PHC2: variants seen among roughly 807,000 people sequenced by gnomAD.
The protein encoded by PHC2 is polyhomeotic homolog 2, also known as polyhomeotic-like protein 2.
PHC2 carries 29 observed loss-of-function variants against 87.4 expected under a neutral mutation model. That is an observed-to-expected ratio of 0.33 (90% CI 0.25 to 0.45). The LOEUF is 0.45. Among genes scored for constraint, PHC2 ranks in the 20% least tolerant of loss-of-function variants. The pLI is 1.00. For synonymous variants in PHC2, 438 were observed against 461.7 expected (o/e 0.95, Z 0.66); for missense variants, 857 against 1,136.7 (o/e 0.75, Z 3.54).
At position 33,415,237 on chromosome 1, in the gene PHC2, C is replaced by G. The variant is rs146039938; in HGVS notation, c.-55+15739G>C. Among the ~76,000 whole-genome samples the G allele has an allele frequency of 9.9e-3, 1,512 of 152,272 alleles. 61 individuals are homozygous for G. The highest frequency in any genetic ancestry group is 0.065 in the Admixed American group (993 of 15,298). On this transcript the variant is annotated intron_variant, in intron 1 of 14. Transcript: ENST00000683057. ...CGACAGGCCTCCCTAGAGTCTTTGA[C>G]TAAGCACTGGTCTGCACATGCATGA...
intron 1 of PHC2, among the ~76,000 whole-genome samples, chr1:33,383,264 C>T (rs1280839978): frequency 6.6e-6 from 1 of 152,188 alleles, no homozygotes; most frequent in African/African-American, 2.4e-5. Flanking sequence ...CAAATGGATG[C>T]AGCTCAAACC....
Position 33,387,812 on chromosome 1 carries a change from C to T in PHC2, c.-54-12219G>A, listed in dbSNP as rs114747756. 4.9e-3 allele frequency among the ~76,000 whole-genome samples: 745 copies of T among 152,336 alleles called. 9 individuals carry two copies. The highest frequency in any genetic ancestry group is 0.017 in the African/African-American group (700 of 41,582). ...AGTTCTTATGAAGTTCACTTGGCTCCCATAGCCTTCTGTTTACTAGCCTAT... is the reference window on the plus strand; with the variant it reads ...AGTTCTTATGAAGTTCACTTGGCTCTCATAGCCTTCTGTTTACTAGCCTAT... On this transcript the variant is annotated intron_variant, in intron 1 of 14. Transcript: ENST00000683057.
At chr1:33,396,144 T>G (rs953706668) in intron 1 of PHC2, among the ~76,000 whole-genome samples, 2 of 152,224 alleles carry the variant, frequency 1.3e-5, no homozygotes, top group Admixed American at 6.5e-5. Context: ...ACTCAGTCTA[T>G]GGCTTAAGAG....
At chr1:33,387,143 G>A (rs1648805108) in intron 1 of PHC2, among the ~76,000 whole-genome samples, 1 of 152,054 alleles carries the variant, frequency 6.6e-6, no homozygotes, top group African/African-American at 2.4e-5. Context: ...CCCTGAAATC[G>A]GGCTGTATCT....
chr1:33,411,458 TG>T (rs1467450507), intron 1 of PHC2, among the ~76,000 whole-genome samples: 5 of 152,098 alleles, frequency 3.3e-5, no homozygotes, highest in South Asian at 2.1e-4. Context: ...TTTTTGTTGT[TG>T]TTGTTGTTGT....
chr1:33,425,991 C>T (rs1421353486), intron 1 of PHC2, among the ~76,000 whole-genome samples: 4 of 152,084 alleles, frequency 2.6e-5, no homozygotes, highest in Non-Finnish European at 5.9e-5. Context: ...GGTTGGTTGG[C>T]GTAGGACTTG....
intron 7 of PHC2, among the ~76,000 whole-genome samples, chr1:33,356,906 G>A (rs1034971102): frequency 1.7e-4 from 26 of 152,064 alleles, no homozygotes; most frequent in African/African-American, 4.8e-4. Flanking sequence ...ACGGGGCGGC[G>A]GCCGGGCGGG....
intron 9 of PHC2, among the ~76,000 whole-genome samples, chr1:33,351,000 T>A (rs1169294118): frequency 6.6e-6 from 1 of 152,236 alleles, no homozygotes; most frequent in East Asian, 1.9e-4. Context: ...CCTGGAATGC[T>A]CTTTCCTCAA....
rs1306332441 is a variant in PHC2, at chr1:33,349,785, G to A, written c.1558+4616C>T. ...GGCCGGCGTCAACAAAGGGCGGCCGGGGCGCGAGGCCGGGACGGGGGCGCG... is the reference window on the plus strand; with the variant it reads ...GGCCGGCGTCAACAAAGGGCGGCCGAGGCGCGAGGCCGGGACGGGGGCGCG... On this transcript the variant is annotated intron_variant, in intron 9 of 14. Coordinates refer to ENST00000683057, the MANE Select transcript of PHC2 (RefSeq NM_001385109.1). This position sits in a 1 kb window ranked among gnomAD's most constrained non-coding sequence, Gnocchi z 4.2. The A allele has an allele frequency of 4.1e-6, 4 of 978,302 alleles. No homozygotes were observed. The African/African-American group carries it at 5.3e-5, about 13-fold the overall frequency. 60.6% of individuals were successfully genotyped at this position (978,302 alleles called of 1,614,324 possible).
At position 33,334,019 on chromosome 1, in the gene PHC2, A is replaced by C; in HGVS notation, c.1761+71T>G. 7.5e-7 allele frequency: 1 copy of C among 1,332,210 alleles called. No individual in the cohort carries two copies. Among genetic ancestry groups the C allele is most frequent in the Non-Finnish European group, 1.0e-6 (1 of 952,408 alleles). The allele number at this position is 1,332,210 out of a possible 1,614,324, so 82.5% of individuals were successfully genotyped here. On this transcript the variant is annotated intron_variant, in intron 10 of 14. Coordinates refer to ENST00000683057, the MANE Select transcript of PHC2 (RefSeq NM_001385109.1). This position sits in a 1 kb window ranked among gnomAD's most constrained non-coding sequence, Gnocchi z 5.5. ...TCACATTTTCAGAAATTTTACATGG[A>C]AATGTAAAAATATTCTAAGACACAT...
intron 12 of PHC2, 60 bp from the exon 13 acceptor site, chr1:33,330,272 A>C (rs1000293869): frequency 3.8e-6 from 6 of 1,581,482 alleles, no homozygotes; most frequent in South Asian, 1.1e-5. Context: ...GGCCGTAGGC[A>C]GAATGAGCAC....
At chr1:33,388,386 C>T (rs1049439259) in intron 1 of PHC2, among the ~76,000 whole-genome samples, 8 of 149,640 alleles carry the variant, frequency 5.3e-5, no homozygotes, top group Admixed American at 1.3e-4. Flanking sequence ...TGCAATGGCG[C>T]GATCCTGGCT....
At chr1:33,355,666 C>G (rs1647057723) in intron 7 of PHC2, among the ~76,000 whole-genome samples, 1 of 152,246 alleles carries the variant, frequency 6.6e-6, no homozygotes, top group South Asian at 2.1e-4. Context: ...TTCCACCACC[C>G]AACCCAGCTC....
chr1:33,362,664 C>A (rs917680929), intron 7 of PHC2, among the ~76,000 whole-genome samples: 2 of 152,234 alleles, frequency 1.3e-5, no homozygotes, highest in Admixed American at 6.5e-5. Context: ...GTCCCGCTTA[C>A]ACACACAGAT....
At position 33,371,023 on chromosome 1, in the gene PHC2, T is replaced by C. The variant is rs776964127; in HGVS notation, c.405A>G (p.Ser135=). The part of the protein sequence containing the change: ...SNVSAQAPAQ[S]SSINLAASPA... Reference sequence around the variant, plus strand: ...GCTCCCCCATTCTACTCACCGAAGATGACTGGGCCGGGGCCTGCGCAGACA... The same window carrying C: ...GCTCCCCCATTCTACTCACCGAAGACGACTGGGCCGGGGCCTGCGCAGACA... The change falls in exon 4 of 15, where the codon TCA becomes TCG. Residue 135 remains serine, a synonymous_variant. Transcript: ENST00000683057. 146 of 1,613,750 alleles carry C rather than the reference T, an allele frequency of 9.0e-5. No individual in the cohort carries two copies. Among genetic ancestry groups the C allele is most frequent in the Non-Finnish European group, 1.2e-4 (136 of 1,179,754 alleles).
rs561376322 is a variant in PHC2 at position 33,371,676 on chromosome 1, A to G, written c.334-582T>C. 1.2e-3 allele frequency among the ~76,000 whole-genome samples: 181 copies of G among 152,326 alleles called. 1 individual carries two copies. The highest frequency in any genetic ancestry group is 6.8e-3 in the Middle Eastern group (2 of 294). On this transcript the variant is annotated intron_variant, in intron 3 of 14. Coordinates refer to ENST00000683057, the MANE Select transcript of PHC2 (RefSeq NM_001385109.1). ...CAGACAGGCTTTTCCTGACCATGCA[A>G]TGCAAGGCCGTCTACCTTGCCCTTC...
Position 33,368,552 on chromosome 1 carries a change from G to T in PHC2, c.647C>A (p.Pro216His). 1 of 1,539,380 alleles carries T rather than the reference G, an allele frequency of 6.5e-7. No homozygotes were observed. The change falls in exon 6 of 15, where the codon CCC (proline) becomes CAC (histidine). Residue 216 changes from proline (P) to histidine (H), a missense_variant. By Grantham distance (77) the Pro-to-His change is moderately conservative. Around this residue, in one of 3 missense-constraint regions of PHC2, gnomAD observed 832 missense variants for 1,081.8 expected, o/e 0.77. Transcript: ENST00000683057. The surrounding 1 kb of genome is among the most constrained non-coding windows in gnomAD (Gnocchi z 6.6). Reference sequence around the variant, plus strand: ...AGTCCTCACCTGGGCGGGGGTGGGGGGCCGGGCGGGGGAGCCAGTGCCGAG... The same window carrying T: ...AGTCCTCACCTGGGCGGGGGTGGGGTGCCGGGCGGGGGAGCCAGTGCCGAG... ...PELGTGSPAR[P>H]PTPAQVQNLT... is the part of the protein sequence containing the mutation.
At chr1:33,326,891 G>A (rs1646383181) in intron 14 of PHC2, among the ~76,000 whole-genome samples, 1 of 152,214 alleles carries the variant, frequency 6.6e-6, no homozygotes, top group South Asian at 2.1e-4. Context: ...GGAGGTTGCA[G>A]TGAGCCGAGA....
intron 7 of PHC2, among the ~76,000 whole-genome samples, chr1:33,362,682 C>T (rs778041799): frequency 9.9e-5 from 15 of 152,220 alleles, no homozygotes; most frequent in Non-Finnish European, 1.9e-4. Flanking sequence ...GATGGTCACA[C>T]GCGCACACAG....
Sources: allele counts gnomAD v4.1 joint callset (sites outside exome capture counted in the v4.1 genomes callset), GRCh38; gene constraint gnomAD v4.1.1; regional missense constraint gnomAD v4.1.1; non-coding constraint Gnocchi (gnomAD v3.1); transcripts MANE v1.5; gene names NCBI Gene and HGNC (gene_info 2026-07-23, HGNC 2026-07-21).